DTD1: variants seen among roughly 807,000 people sequenced by gnomAD.
The protein encoded by DTD1 is D-tyrosyl-tRNA deacylase 1 homolog.
In DTD1, 13 loss-of-function variants were observed where a neutral mutation model predicts 25.6. That is an observed-to-expected ratio of 0.51 (90% CI 0.33 to 0.81). The LOEUF (loss-of-function observed/expected upper bound fraction) is 0.81. Ranked by LOEUF, DTD1 falls within the 30% of genes least tolerant of loss-of-function variation. The pLI is 0.02. For synonymous variants in DTD1, 110 were observed against 103.6 expected (o/e 1.06, Z -0.37); for missense variants, 193 against 266.4 (o/e 0.72, Z 1.92).
At chr20:18,717,097 A>C (rs2061184080) in intron 4 of DTD1, among the ~76,000 whole-genome samples, 1 of 152,190 alleles carries the variant, frequency 6.6e-6, no homozygotes, top group Non-Finnish European at 1.5e-5. Context: ...AGTGTTATTC[A>C]AGGTTCAAGT....
chr20:18,729,099 A>T (rs1047480650), intron 4 of DTD1, among the ~76,000 whole-genome samples: 3 of 152,054 alleles, frequency 2.0e-5, no homozygotes, highest in African/African-American at 7.3e-5. Context: ...GACCTCCTGG[A>T]CTCAAACCAT....
intron 4 of DTD1, among the ~76,000 whole-genome samples, chr20:18,673,826 G>A (rs1408747124): frequency 1.3e-5 from 2 of 151,814 alleles, no homozygotes; most frequent in East Asian, 1.9e-4. Context: ...AAATTGTGTG[G>A]TGGCCCACTA....
intron 4 of DTD1, among the ~76,000 whole-genome samples, chr20:18,728,082 C>T (rs1209124342): frequency 6.6e-6 from 1 of 152,078 alleles, no homozygotes; most frequent in African/African-American, 2.4e-5. Context: ...ATGGGTAGGA[C>T]CCTGGAGGGG....
intron 4 of DTD1, among the ~76,000 whole-genome samples, chr20:18,713,710 T>C (rs2061168793): frequency 6.6e-6 from 1 of 152,200 alleles, no homozygotes; most frequent in Non-Finnish European, 1.5e-5. Flanking sequence ...TCTTCGTTCA[T>C]GCACTTTCTC....
At chr20:18,726,998 G>T (rs1055800745) in intron 4 of DTD1, among the ~76,000 whole-genome samples, 1 of 152,376 alleles carries the variant, frequency 6.6e-6, no homozygotes, top group African/African-American at 2.4e-5. Flanking sequence ...TTGGCTGGCT[G>T]AGAGTCTGTG....
intron 3 of DTD1, among the ~76,000 whole-genome samples, chr20:18,625,714 A>G (rs2122306454): frequency 6.6e-6 from 1 of 152,348 alleles, no homozygotes; most frequent in Admixed American, 6.5e-5. Context: ...CCAGCCTGTA[A>G]CCCACTGTTG....
intron 4 of DTD1, among the ~76,000 whole-genome samples, chr20:18,736,054 C>T (rs1332228937): frequency 6.6e-6 from 1 of 152,188 alleles, no homozygotes; most frequent in East Asian, 1.9e-4. Flanking sequence ...GACATCCATA[C>T]TCTAGAGTAA....
chr20:18,608,336 A>G (rs1287154419), intron 3 of DTD1, among the ~76,000 whole-genome samples: 2 of 144,304 alleles, frequency 1.4e-5, no homozygotes, highest in African/African-American at 2.5e-5. Context: ...GATTTTCTCT[A>G]CTGGTTTCCT....
chr20:18,726,384 CTCA>C (rs2061222518), intron 4 of DTD1, among the ~76,000 whole-genome samples: 1 of 152,164 alleles, frequency 6.6e-6, no homozygotes, highest in Admixed American at 6.5e-5. Context: ...TACCTTAATT[CTCA>C]TCATGAAAAT....
chr20:18,627,520 T>C (rs1447481888), intron 3 of DTD1, among the ~76,000 whole-genome samples: 2 of 152,206 alleles, frequency 1.3e-5, no homozygotes, highest in African/African-American at 4.8e-5. Context: ...ACCTTTTATT[T>C]CTTGCCAAAT....
chr20:18,612,533 A>G (rs2060691537), intron 3 of DTD1, among the ~76,000 whole-genome samples: 1 of 152,108 alleles, frequency 6.6e-6, no homozygotes, highest in Non-Finnish European at 1.5e-5. Context: ...ATGGAAGGTC[A>G]CTCAGCACGT....
intron 3 of DTD1, among the ~76,000 whole-genome samples, chr20:18,599,731 G>A (rs1157198571): frequency 5.9e-5 from 9 of 152,072 alleles, no homozygotes; most frequent in Admixed American, 5.9e-4. Context: ...GTATGTAGAG[G>A]TACCTCATTT....
At chr20:18,625,226 C>G (rs1798682724) in intron 3 of DTD1, among the ~76,000 whole-genome samples, 1 of 152,236 alleles carries the variant, frequency 6.6e-6, no homozygotes, top group South Asian at 2.1e-4. Flanking sequence ...GTGTGGCATG[C>G]AGTCAGACCT....
chr20:18,681,559 G>A (rs2060996920), intron 4 of DTD1, among the ~76,000 whole-genome samples: 1 of 152,214 alleles, frequency 6.6e-6, no homozygotes, highest in Non-Finnish European at 1.5e-5. Flanking sequence ...AACAAGGACA[G>A]GAATTAGAAT....
rs2060870467 is a variant in DTD1, at chr20:18,650,537, C to T, written c.477+22304C>T. Among the ~76,000 whole-genome samples, 8 of 152,296 alleles carry T rather than the reference C, an allele frequency of 5.3e-5. No homozygotes were observed. In the South Asian group the frequency reaches 1.7e-3, roughly 32 times the overall value. On this transcript the variant is annotated intron_variant, in intron 4 of 5. Coordinates refer to ENST00000377452, the MANE Select transcript of DTD1 (RefSeq NM_080820.6). Reference sequence around the variant, plus strand: ...TGCCCTGCACTGAACCCCCAGTGCCCCATGCTGCTCCACTTCTGATTTCCT... The same window carrying T: ...TGCCCTGCACTGAACCCCCAGTGCCTCATGCTGCTCCACTTCTGATTTCCT...
intron 1 of DTD1, among the ~76,000 whole-genome samples, chr20:18,593,008 G>A (rs530667020): frequency 7.9e-5 from 12 of 152,244 alleles, no homozygotes; most frequent in African/African-American, 2.2e-4. Flanking sequence ...GCTACCATTT[G>A]AGGTATCGTC....
rs1045422828 is a variant in DTD1, at chr20:18,749,948, G to T, written c.*19+5677G>T. 6.6e-6 allele frequency among the ~76,000 whole-genome samples: 1 copy of T among 152,168 alleles called. No homozygotes were observed. The highest frequency in any genetic ancestry group is 1.5e-5 in the Non-Finnish European group (1 of 68,034). On this transcript the variant is annotated intron_variant, in intron 5 of 5. Coordinates refer to ENST00000377452, the MANE Select transcript of DTD1 (RefSeq NM_080820.6). This position sits in a 1 kb window ranked among gnomAD's most constrained non-coding sequence, Gnocchi z 4.2. ...GTACTGTCTGGGTTTTGGACAAAGC[G>T]CACAAGGAAAACCATTTATTGATGG...
intron 4 of DTD1, among the ~76,000 whole-genome samples, chr20:18,641,150 T>G (rs2060826584): frequency 6.6e-6 from 1 of 152,230 alleles, no homozygotes. Flanking sequence ...TTCATCCATG[T>G]TGAGCCTTAT....
At chr20:18,599,896 A>G (rs750912468) in intron 3 of DTD1, among the ~76,000 whole-genome samples, 1 of 152,298 alleles carries the variant, frequency 6.6e-6, no homozygotes, top group Admixed American at 6.5e-5. Flanking sequence ...AGTTCTTTTT[A>G]TATTTTGGAT....
Sources: gnomAD v4.1 joint callset for allele counts (sites outside exome capture counted in the v4.1 genomes callset) on GRCh38, gnomAD v4.1.1 for gene constraint, Gnocchi (gnomAD v3.1) non-coding constraint, MANE v1.5 for transcripts, NCBI Gene and HGNC (gene_info 2026-07-23, HGNC 2026-07-21) for gene names.